CFAP91: variants seen among roughly 807,000 people sequenced by gnomAD.
The protein encoded by CFAP91 is cilia and flagella associated protein 91.
CFAP91 carries 85 observed loss-of-function variants against 95.9 expected under a neutral mutation model. The ratio of observed to expected loss-of-function variants is 0.89; its 90% CI spans 0.74 to 1.06. The LOEUF is 1.06. Ranked by LOEUF, CFAP91 falls within the 50% of genes least tolerant of loss-of-function variation. CFAP91 has a pLI of 0.00. For missense variants in CFAP91, 962 were observed against 943.4 expected (o/e 1.02, Z -0.26); for synonymous variants, 335 against 327.5 (o/e 1.02, Z -0.25).
intron 10 of CFAP91, among the ~76,000 whole-genome samples, chr3:119,734,462 A>G (rs1368059603): frequency 4.1e-5 from 1 of 24,484 alleles, no homozygotes; most frequent in Non-Finnish European, 1.2e-4. Context: ...TTATTAGGTT[A>G]CGGAAGTTCT....
chr3:119,747,356 A>G (rs1465388832), intron 15 of CFAP91, 93 bp downstream of exon 15: 1 of 1,391,768 alleles, frequency 7.2e-7, no homozygotes, highest in African/African-American at 1.5e-5. Context: ...ACCACCAAGT[A>G]GAAACAAATA....
chr3:119,725,428 A>AGCTAGTGATTAGTGTCTT (rs2053763659), intron 6 of CFAP91, among the ~76,000 whole-genome samples: 2 of 152,214 alleles, frequency 1.3e-5, no homozygotes, highest in Non-Finnish European at 2.9e-5. Context: ...GTGAATTCTC[A>AGCTAGTGATTAGTGTCTT]GCTAGTGATT....
At position 119,726,226 on chromosome 3, in the gene CFAP91, G is replaced by C. The variant is rs1416902651; in HGVS notation, c.738G>C (p.Glu246Asp). 18 of 1,613,662 alleles carry C rather than the reference G, an allele frequency of 1.1e-5. No individual in the cohort carries two copies. The highest frequency in any genetic ancestry group is 1.4e-5 in the Non-Finnish European group (17 of 1,179,870). The change falls in exon 7 of 18, where the codon GAG becomes GAC. Residue 246 changes from glutamate (E) to aspartate (D), a missense_variant. Physicochemically the swap from Glu to Asp is conservative, Grantham distance 45. Transcript: ENST00000273390. ...TGGAGATGATAGAAAGAGCCCGCGA[G>C]AAGCGTGCTTGGGAAGCCTCTCTCC... ...AEVEMIERAR[E>D]KRAWEASLPA...
chr3:119,763,151 G>A (rs761793306), intron 17 of CFAP91, among the ~76,000 whole-genome samples: 5 of 151,954 alleles, frequency 3.3e-5, no homozygotes, highest in African/African-American at 4.8e-5. Context: ...TTAAAAAATG[G>A]GCAAAGGACC....
At position 119,766,479 on chromosome 3, in the gene CFAP91, T is replaced by C. The variant is rs2054629974; in HGVS notation, c.*1429T>C. 1 of 152,198 alleles carries C rather than the reference T, an allele frequency of 6.6e-6. No homozygotes were observed. Among genetic ancestry groups the C allele is most frequent in the Non-Finnish European group, 1.5e-5 (1 of 68,034 alleles). The allele number at this position is 152,198 out of a possible 1,614,324, so 9.4% of individuals were successfully genotyped here. A position where few individuals can be genotyped will look rare whatever the true frequency, so the allele number is the denominator to read the frequency against. On this transcript the variant is annotated 3_prime_UTR_variant, in exon 18 of 18. Coordinates refer to ENST00000273390, the MANE Select transcript of CFAP91 (RefSeq NM_033364.4). ...TTTTGTTTTGTTCTTTGAAAAAGGC[T>C]AACCTGAGCTAGGTAAAGGTTATAT...
At chr3:119,731,039 C>T (rs908208415) in intron 8 of CFAP91, among the ~76,000 whole-genome samples, 3 of 152,088 alleles carry the variant, frequency 2.0e-5, no homozygotes, top group Admixed American at 6.5e-5. Flanking sequence ...AAGTTCAAGA[C>T]CAGCCTGAGC....
In CFAP91 at chr3:119,766,782, T is replaced by C. The variant is rs1486692706; in HGVS notation, c.*1732T>C. The C allele has an allele frequency of 6.6e-6, 1 of 152,228 alleles. No individual in the cohort carries two copies. The highest frequency in any genetic ancestry group is 1.5e-5 in the Non-Finnish European group (1 of 68,040). The allele number at this position is 152,228 out of a possible 1,614,324, so 9.4% of individuals were successfully genotyped here. Reference sequence around the variant, plus strand: ...AAAATTTTATTTTAATTAAAATCAATTCATGTTTGAAAAAGGATTTAAAGT... The same window carrying C: ...AAAATTTTATTTTAATTAAAATCAACTCATGTTTGAAAAAGGATTTAAAGT... On this transcript the variant is annotated 3_prime_UTR_variant, in exon 18 of 18. Transcript: ENST00000273390.
rs1474783522 is a variant in CFAP91 at position 119,726,362 on chromosome 3, C to T, written c.860+14C>T. ...GGAGATTGAAAAGTAGGTTCTCTAT[C>T]ACCCAGACAACTGTTCCTGCACTGG... On this transcript the variant is annotated intron_variant, in intron 7 of 17. Coordinates refer to ENST00000273390, the MANE Select transcript of CFAP91 (RefSeq NM_033364.4). 1 of 1,601,880 alleles carries T rather than the reference C, an allele frequency of 6.2e-7. No individual in the cohort carries two copies. Among genetic ancestry groups the T allele is most frequent in the Non-Finnish European group, 8.5e-7 (1 of 1,174,200 alleles).
At chr3:119,740,515 C>G in intron 12 of CFAP91, 34 bp from the exon 13 acceptor site, 2 of 1,596,526 alleles carry the variant, frequency 1.3e-6, no homozygotes, top group Non-Finnish European at 1.7e-6. Flanking sequence ...GGGATGGTAA[C>G]TTGCAGGTCT....
At chr3:119,755,851 G>A (rs1213741188) in intron 17 of CFAP91, among the ~76,000 whole-genome samples, 1 of 152,202 alleles carries the variant, frequency 6.6e-6, no homozygotes, top group East Asian at 1.9e-4. Flanking sequence ...GAAACTCAGT[G>A]AATCTCTCCT....
At position 119,715,681 on chromosome 3, in the gene CFAP91, C is replaced by A; in HGVS notation, c.620C>A (p.Ala207Glu). 6.2e-7 allele frequency: 1 copy of A among 1,613,712 alleles called. No homozygotes were observed. The highest frequency in any genetic ancestry group is 8.5e-7 in the Non-Finnish European group (1 of 1,179,606). ...GACGTTCAAACAGATCCATACTCTG[C>A]AGAATATGTAGTATGTCAGGACTCA... ...DADVQTDPYSAEYVVCQDSIP... is the reference protein window; with the variant it reads ...DADVQTDPYSEEYVVCQDSIP... Residue 207 changes from alanine (A) to glutamate (E), a missense_variant, in exon 6 of 18, where the codon GCA becomes GAA. Ala to Glu is a moderately radical substitution (Grantham distance 107, BLOSUM62 -1). Transcript: ENST00000273390.
chr3:119,719,443 G>A (rs10934497), intron 6 of CFAP91, among the ~76,000 whole-genome samples: 3 of 152,130 alleles, frequency 2.0e-5, no homozygotes, highest in Non-Finnish European at 4.4e-5. Flanking sequence ...GAAAAATAAC[G>A]ACAGTGAAAA....
At chr3:119,724,394 A>G (rs147333137) in intron 6 of CFAP91, among the ~76,000 whole-genome samples, 323 of 152,238 alleles carry the variant, frequency 2.1e-3, no homozygotes, top group African/African-American at 7.4e-3. Flanking sequence ...TCAATTTTTT[A>G]TTAAAAAATG....
intron 12 of CFAP91, 87 bp downstream of exon 12, chr3:119,739,413 T>C: frequency 8.3e-7 from 1 of 1,201,608 alleles, no homozygotes; most frequent in Non-Finnish European, 1.2e-6. Context: ...TTGGAGTGAA[T>C]CCCTTTTGCA....
At chr3:119,734,809 C>T (rs1401521719) in intron 10 of CFAP91, among the ~76,000 whole-genome samples, 7 of 152,026 alleles carry the variant, frequency 4.6e-5, no homozygotes, top group Admixed American at 1.3e-4. Context: ...TGAGAATATT[C>T]CTTCCTTTTT....
At chr3:119,746,247 A>C (rs2054217283) in intron 14 of CFAP91, among the ~76,000 whole-genome samples, 1 of 152,218 alleles carries the variant, frequency 6.6e-6, no homozygotes, top group Admixed American at 6.5e-5. Flanking sequence ...AGTTACTATA[A>C]TACATGGCTT....
At position 119,737,330 on chromosome 3, in the gene CFAP91, TA is replaced by T. The variant is rs748946717; in HGVS notation, c.1345-29del. On this transcript the variant is annotated intron_variant, in intron 10 of 17. Coordinates refer to ENST00000273390, the MANE Select transcript of CFAP91 (RefSeq NM_033364.4). Reference sequence around the variant, plus strand: ...CTCTTAAATTTATGCAAATTTTTGTTAAAAAAAGAGATTATATTAATTGGCA... The same window carrying T: ...CTCTTAAATTTATGCAAATTTTTGTTAAAAAAGAGATTATATTAATTGGCA... 1.7e-5 allele frequency: 23 copies of T among 1,333,896 alleles called. No homozygotes were observed. The East Asian group carries it at 2.8e-4, about 16-fold the overall frequency. 82.6% of individuals were successfully genotyped at this position (1,333,896 alleles called of 1,614,324 possible). A position where few individuals can be genotyped will look rare whatever the true frequency, so the allele number is the denominator to read the frequency against.
chr3:119,713,180 C>T (rs190698688), intron 5 of CFAP91: 39 of 150,182 alleles, frequency 2.6e-4, no homozygotes, highest in African/African-American at 8.3e-4. Flanking sequence ...AGTGCAGTGG[C>T]GTGATCTCGG....
intron 5 of CFAP91, chr3:119,710,190 A>G (rs1359374827): frequency 2.0e-5 from 5 of 251,638 alleles, no homozygotes; most frequent in Non-Finnish European, 3.8e-5. Flanking sequence ...TATAAAATGT[A>G]TTTCTTACTG....
Sources: gnomAD v4.1 joint callset for allele counts (sites outside exome capture counted in the v4.1 genomes callset) on GRCh38, gnomAD v4.1.1 for gene constraint, MANE v1.5 for transcripts, NCBI Gene and HGNC (gene_info 2026-07-23, HGNC 2026-07-21) for gene names.